The following ZNF229 variants were observed in gnomAD, a reference collection of about 807,000 sequenced individuals.
The protein encoded by ZNF229 is zinc finger protein 229.
In ZNF229, 10 loss-of-function variants were observed where a neutral mutation model predicts 11.8. The observed-to-expected ratio is 0.85, with a 90% CI of 0.52 to 1.44. The LOEUF is 1.44. ZNF229 is among the 40% of genes most tolerant of loss of function. ZNF229 has a pLI of 0.00. For synonymous variants in ZNF229, 368 were observed against 374.8 expected (o/e 0.98, Z 0.21); for missense variants, 1,045 against 1,015.1 (o/e 1.03, Z -0.40).
Position 44,442,573 on chromosome 19 carries a change from ATCT to A in ZNF229, c.80_82del (p.Lys27del). 1 of 1,614,086 alleles carries A rather than the reference ATCT, an allele frequency of 6.2e-7. No individual in the cohort carries two copies. The highest frequency in any genetic ancestry group is 8.5e-7 in the Non-Finnish European group (1 of 1,180,004). On this transcript the variant is annotated inframe_deletion, in exon 4 of 6. Transcript: ENST00000614049. Reference sequence around the variant, plus strand: ...AAGAAAACAACCCACCTGAGACATGATCTTCTCCTCCCTATCTTGGGAAATGGC... The same window carrying A: ...AAGAAAACAACCCACCTGAGACATGATCTCCTCCCTATCTTGGGAAATGGC...
rs568943671 is a variant in ZNF229, at chr19:44,437,298, C to T, written c.94-4932G>A. ...AATAAATCATTTAACTATATAAGAACCTTAAACTTCTTTACAGTTACCATT... is the reference window on the plus strand; with the variant it reads ...AATAAATCATTTAACTATATAAGAATCTTAAACTTCTTTACAGTTACCATT... On this transcript the variant is annotated intron_variant, in intron 4 of 5. Coordinates refer to ENST00000614049, the MANE Select transcript of ZNF229 (RefSeq NM_014518.4). Among the ~76,000 whole-genome samples, 3 of 152,066 alleles carry T rather than the reference C, an allele frequency of 2.0e-5. No homozygotes were observed. In the East Asian group the frequency reaches 5.8e-4, roughly 29 times the overall value.
At chr19:44,439,026 G>C (rs1034109572) in intron 4 of ZNF229, among the ~76,000 whole-genome samples, 1 of 152,164 alleles carries the variant, frequency 6.6e-6, no homozygotes, top group Non-Finnish European at 1.5e-5. Context: ...CTTGCAACTG[G>C]TGGGAGGGAG....
Position 44,442,840 on chromosome 19 carries a change from G to C in ZNF229, c.8C>G (p.Thr3Ser), listed in dbSNP as rs754985398. ...TCTTTTCTCATGCCTTGAGGTCAAA[G>C]TCTCCATGGTCTCTTCTGCTAGGTT... ME[T>S]LTSRHEKRAL... is the part of the protein sequence containing the mutation. The change falls in exon 3 of 6, where the codon ACT becomes AGT. Residue 3 changes from threonine to serine, a missense_variant. Coordinates refer to ENST00000614049, the MANE Select transcript of ZNF229 (RefSeq NM_014518.4). 6.4e-7 allele frequency: 1 copy of C among 1,560,010 alleles called. No homozygotes were observed. Among genetic ancestry groups the C allele is most frequent in the Non-Finnish European group, 8.7e-7 (1 of 1,149,772 alleles).
At chr19:44,436,991 A>G (rs1971826986) in intron 4 of ZNF229, among the ~76,000 whole-genome samples, 1 of 151,934 alleles carries the variant, frequency 6.6e-6, no homozygotes, top group Non-Finnish European at 1.5e-5. Flanking sequence ...CACACAAATG[A>G]GGGTGGTATT....
rs187764479 is a variant in ZNF229, at chr19:44,445,981, A to G, written c.-178+1532T>C. ...TGGGACCCAAGAGTGAACAGGGCAG[A>G]CAACGACTCTGTGCTCATGCAGCTG... On this transcript the variant is annotated intron_variant, in intron 2 of 5. Transcript: ENST00000614049. Among the ~76,000 whole-genome samples the G allele has an allele frequency of 3.5e-3, 536 of 152,306 alleles. 5 individuals carry two copies. Among genetic ancestry groups the G allele is most frequent in the African/African-American group, 0.013 (521 of 41,566 alleles).
At chr19:44,430,613 C>T in intron 5 of ZNF229, 71 bp from the exon 6 acceptor site, 1 of 1,406,112 alleles carries the variant, frequency 7.1e-7, no homozygotes. Context: ...GACTTTCAGA[C>T]TTGAACTAAT....
Position 44,428,849 on chromosome 19 carries a change from G to A in ZNF229, c.1932C>T (p.Leu644=). The change falls in exon 6 of 6, where the codon CTC becomes CTT. Residue 644 remains leucine (L), a synonymous_variant. Transcript: ENST00000614049. ...GKGFSYSSGL[L]IHQRVHTGEK... ...CGCCTGTGTGGACTCTCTGGTGAAT[G>A]AGAAGCCCTGAGCTGTAACTGAAGC... 1 of 1,612,098 alleles carries A rather than the reference G, an allele frequency of 6.2e-7. No homozygotes were observed. The highest frequency in any genetic ancestry group is 8.5e-7 in the Non-Finnish European group (1 of 1,179,654).
chr19:44,427,100 C>T lies in ZNF229; in HGVS notation c.*1203G>A, dbSNP rs1045501894. The T allele has an allele frequency of 2.6e-5, 4 of 152,090 alleles. No homozygotes were observed. The highest frequency in any genetic ancestry group is 5.9e-5 in the Non-Finnish European group (4 of 68,026). The allele number at this position is 152,090 out of a possible 1,614,324, so 9.4% of individuals were successfully genotyped here. Reference sequence around the variant, plus strand: ...ATCAGCTCTCATGAGAACTCACTATCATGAGAACAGCAAGGGAGAAATCTG... The same window carrying T: ...ATCAGCTCTCATGAGAACTCACTATTATGAGAACAGCAAGGGAGAAATCTG... On this transcript the variant is annotated 3_prime_UTR_variant, in exon 6 of 6. Transcript: ENST00000614049.
At position 44,447,499 on chromosome 19, in the gene ZNF229, C is replaced by G. The variant is rs565587611; in HGVS notation, c.-178+14G>C. On this transcript the variant is annotated intron_variant, in intron 2 of 5. Coordinates refer to ENST00000614049, the MANE Select transcript of ZNF229 (RefSeq NM_014518.4). ...ACCTGGCATTGCCACAAAAGAGAAC[C>G]AAAGTTCACTCACCTGGAGCTCTAG... is the stretch of plus-strand genomic sequence containing the variant. The G allele has an allele frequency of 2.6e-5, 4 of 152,270 alleles. No individual in the cohort carries two copies. The South Asian group carries it at 6.2e-4, about 24-fold the overall frequency. The allele number at this position is 152,270 out of a possible 1,614,324, so 9.4% of individuals were successfully genotyped here. A position where few individuals can be genotyped will look rare whatever the true frequency, so the allele number is the denominator to read the frequency against.
In ZNF229 at chr19:44,429,115, T is replaced by G; in HGVS notation, c.1666A>C (p.Ser556Arg). ...KCECGKSFGR[S>R]SDLHIHQRVH... is the part of the protein sequence containing the mutation. ...CTCTGATGGATGTGGAGGTCGGAGC[T>G]CCGGCCAAAGCTCTTCCCGCACTCG... Residue 556 changes from serine (S) to arginine (R), a missense_variant, in exon 6 of 6, where the codon AGC becomes CGC. Transcript: ENST00000614049. 2 of 1,612,212 alleles carry G rather than the reference T, an allele frequency of 1.2e-6. No homozygotes were observed. Among genetic ancestry groups the G allele is most frequent in the South Asian group, 2.2e-5 (2 of 90,992 alleles).
chr19:44,444,505 A>C (rs962656577), intron 2 of ZNF229, among the ~76,000 whole-genome samples: 4 of 152,148 alleles, frequency 2.6e-5, no homozygotes, highest in Non-Finnish European at 4.4e-5. Flanking sequence ...CCTCCTACAC[A>C]AAGGACAAAG....
At position 44,427,229 on chromosome 19, in the gene ZNF229, G is replaced by A. The variant is rs1971590952; in HGVS notation, c.*1074C>T. On this transcript the variant is annotated 3_prime_UTR_variant, in exon 6 of 6. Coordinates refer to ENST00000614049, the MANE Select transcript of ZNF229 (RefSeq NM_014518.4). ...GACAAGAGCCAAACCATATCAGACT[G>A]TTTCTACAACCCCCCCCCCCGCCCC... is the stretch of plus-strand genomic sequence containing the variant. The A allele has an allele frequency of 7.5e-6, 1 of 133,372 alleles. No individual in the cohort carries two copies. Among genetic ancestry groups the A allele is most frequent in the Non-Finnish European group, 1.6e-5 (1 of 64,196 alleles). The allele number at this position is 133,372 out of a possible 1,614,324, so 8.3% of individuals were successfully genotyped here. A position where few individuals can be genotyped will look rare whatever the true frequency, so the allele number is the denominator to read the frequency against.
At chr19:44,442,648 G>A (rs760322319) in intron 3 of ZNF229, 27 bp from the exon 4 acceptor site, 8 of 1,613,530 alleles carry the variant, frequency 5.0e-6, no homozygotes, top group Non-Finnish European at 8.5e-7. Flanking sequence ...AGGCCATGAG[G>A]AGGAGTTGGT....
Position 44,427,238 on chromosome 19 carries a change from A to AACCCCC in ZNF229, c.*1064_*1065insGGGGGT, listed in dbSNP as rs1971591576. 1 of 116,648 alleles carries AACCCCC rather than the reference A, an allele frequency of 8.6e-6. No individual in the cohort carries two copies. The highest frequency in any genetic ancestry group is 1.7e-5 in the Non-Finnish European group (1 of 57,940). 7.2% of individuals were successfully genotyped at this position (116,648 alleles called of 1,614,324 possible). On this transcript the variant is annotated 3_prime_UTR_variant, in exon 6 of 6. Transcript: ENST00000614049. ...CAAACCATATCAGACTGTTTCTACA[A>AACCCCC]CCCCCCCCCCCGCCCCCACTGATGG...
rs377044280 is a variant in ZNF229 at position 44,428,666 on chromosome 19, C to A, written c.2115G>T (p.Leu705Phe). 25 of 1,613,362 alleles carry A rather than the reference C, an allele frequency of 1.5e-5. No individual in the cohort carries two copies. The African/African-American group carries it at 3.2e-4, about 21-fold the overall frequency. ...YGSNLRTHQRLHTGEKPYTCC... is the reference protein window; with the variant it reads ...YGSNLRTHQRFHTGEKPYTCC... ...AAGTGTAGGGTTTCTCTCCTGTGTG[C>A]AACCTCTGGTGGGTGCGAAGATTAG... The change falls in exon 6 of 6, where the codon TTG becomes TTT. Residue 705 changes from leucine to phenylalanine, a missense_variant. Transcript: ENST00000614049.
At position 44,428,893 on chromosome 19, in the gene ZNF229, AT is replaced by A. The variant is rs1971641030; in HGVS notation, c.1887del (p.Lys629AsnfsTer191). The A allele has an allele frequency of 6.2e-7, 1 of 1,613,128 alleles. No homozygotes were observed. Among genetic ancestry groups the A allele is most frequent in the Admixed American group, 1.7e-5 (1 of 59,920 alleles). On this transcript the variant is annotated frameshift_variant, in exon 6 of 6. Transcript: ENST00000614049. LOFTEE classifies it low-confidence loss of function (END_TRUNC). The part of the protein sequence containing the change: ...QRVHTGEKPY[K>X]CAECGKGFSY... ...CTGAAGCCTTTGCCACACTCAGCAC[AT>A]TTATAGGGTTTCTCTCCAGTGTGGA...
At position 44,442,947 on chromosome 19, in the gene ZNF229, G is replaced by A; in HGVS notation, c.-100C>T. On this transcript the variant is annotated 5_prime_UTR_variant, in exon 3 of 6. Transcript: ENST00000614049. ...GAAGATCCAGGCCTTTTTCATTCCG[G>A]AAACTCTCCAAGCTCTGACAAGTTC... The A allele has an allele frequency of 7.1e-7, 1 of 1,413,420 alleles. No individual in the cohort carries two copies. The highest frequency in any genetic ancestry group is 1.0e-6 in the Non-Finnish European group (1 of 1,002,218). 87.6% of individuals were successfully genotyped at this position (1,413,420 alleles called of 1,614,324 possible).
intron 4 of ZNF229, among the ~76,000 whole-genome samples, chr19:44,433,430 A>G (rs1432856510): frequency 1.3e-5 from 2 of 152,040 alleles, no homozygotes; most frequent in South Asian, 4.1e-4. Flanking sequence ...CCCCAGTACT[A>G]GGAAGTGGGG....
Position 44,428,560 on chromosome 19 carries a change from T to C in ZNF229, c.2221A>G (p.Arg741Gly). The C allele has an allele frequency of 6.2e-7, 1 of 1,612,094 alleles. No individual in the cohort carries two copies. The highest frequency in any genetic ancestry group is 1.1e-5 in the South Asian group (1 of 91,012). The stretch of plus-strand genomic sequence containing the variant: ...TAGCCCTTCCCACACACGTGGCATC[T>C]GTATGGCTTCTCGCCAGTGTGCACT... ...KRVHTGEKPY[R>G]CHVCGKGYSQ... Residue 741 changes from arginine (R) to glycine (G), a missense_variant, in exon 6 of 6, where the codon AGA becomes GGA. Arg to Gly is a moderately radical substitution (Grantham distance 125). Transcript: ENST00000614049.
Sources: gnomAD v4.1 joint callset for allele counts (sites outside exome capture counted in the v4.1 genomes callset) on GRCh38, gnomAD v4.1.1 for gene constraint, MANE v1.5 for transcripts, NCBI Gene and HGNC (gene_info 2026-07-23, HGNC 2026-07-21) for gene names.